The following VPS13D variants were observed in gnomAD, a reference collection of about 807,000 sequenced individuals.
VPS13D encodes the protein intermembrane lipid transfer protein VPS13D.
Under a neutral mutation model 461.9 loss-of-function variants are expected in VPS13D, and 187 were observed. The ratio of observed to expected loss-of-function variants is 0.40; its 90% CI spans 0.36 to 0.46. The LOEUF (loss-of-function observed/expected upper bound fraction) is 0.46, where lower values mean the gene tolerates loss of function less well. VPS13D is among the 20% of genes least tolerant of loss of function. The pLI is 0.60. For synonymous variants in VPS13D, 1,951 were observed against 1,986.3 expected (o/e 0.98, Z 0.47); for missense variants, 4,711 against 5,364.9 (o/e 0.88, Z 3.81).
intron 35 of VPS13D, among the ~76,000 whole-genome samples, chr1:12,325,196 A>G (rs531172348): frequency 2.6e-5 from 4 of 151,892 alleles, no homozygotes; most frequent in Middle Eastern, 3.4e-3. Flanking sequence ...GGGCTCAAGC[A>G]ATCCTCCTGC....
At chr1:12,345,159 C>T in intron 42 of VPS13D, 1 of 484,898 alleles carries the variant, frequency 2.1e-6, no homozygotes, top group Non-Finnish European at 3.7e-6. Context: ...GCCACTCTTA[C>T]TCAGTCAAGC....
intron 22 of VPS13D, among the ~76,000 whole-genome samples, chr1:12,289,607 C>G (rs1642067856): frequency 6.7e-6 from 1 of 150,126 alleles, no homozygotes; most frequent in Non-Finnish European, 1.5e-5. Flanking sequence ...TGTTAATGGC[C>G]TTTAAGATTG....
At chr1:12,386,373 T>C in intron 60 of VPS13D, 39 bp downstream of exon 60, 1 of 1,549,744 alleles carries the variant, frequency 6.5e-7, no homozygotes, top group Non-Finnish European at 8.7e-7. Flanking sequence ...CACCTTGTTT[T>C]CATGCTGATC....
intron 67 of VPS13D, among the ~76,000 whole-genome samples, chr1:12,476,241 T>G (rs547270716): frequency 1.3e-5 from 2 of 152,364 alleles, no homozygotes; most frequent in Non-Finnish European, 2.9e-5. Context: ...CCTGGAATAT[T>G]GTCATAAAAG....
chr1:12,244,565 A>G lies in VPS13D; in HGVS notation c.395A>G (p.Tyr132Cys). Residue 132 changes from tyrosine (Y) to cysteine (C), a missense_variant, in exon 5 of 70, where the codon TAT becomes TGT. This residue lies in a region of VPS13D where 4,411 missense variants were observed against 4,937.8 expected (regional missense o/e 0.89). Transcript: ENST00000620676. ...GACCGCCAGCAGAAAGGGGAGTCCT[A>G]TTGGTATTCAGTTACCGCCTCCGTA... is the stretch of plus-strand genomic sequence containing the variant. ...KNDRQQKGES[Y>C]WYSVTASVVT... The G allele has an allele frequency of 3.7e-6, 6 of 1,614,214 alleles. No homozygotes were observed. The highest frequency in any genetic ancestry group is 2.2e-5 in the East Asian group (1 of 44,892).
At chr1:12,486,999 C>T (rs1342760697) in intron 67 of VPS13D, among the ~76,000 whole-genome samples, 4 of 152,116 alleles carry the variant, frequency 2.6e-5, no homozygotes, top group Admixed American at 6.5e-5. Context: ...AATCACCCTC[C>T]CTGGAAGAGA....
intron 50 of VPS13D, among the ~76,000 whole-genome samples, chr1:12,358,891 G>A (rs1158921219): frequency 6.6e-6 from 1 of 152,014 alleles, no homozygotes; most frequent in Non-Finnish European, 1.5e-5. Flanking sequence ...CTTGTTTTTC[G>A]GGGGAATAAT....
intron 60 of VPS13D, among the ~76,000 whole-genome samples, chr1:12,396,104 A>G (rs1320002663): frequency 2.0e-5 from 3 of 149,872 alleles, no homozygotes; most frequent in East Asian, 3.9e-4. Context: ...ATAGATTATT[A>G]ATATCAGGAA....
chr1:12,440,331 G>A (rs535303003), intron 65 of VPS13D, among the ~76,000 whole-genome samples: 7 of 152,328 alleles, frequency 4.6e-5, no homozygotes, highest in African/African-American at 7.2e-5. Flanking sequence ...TCAGCAATAA[G>A]TGTAGAACAC....
At chr1:12,245,983 A>G (rs1021051547) in intron 5 of VPS13D, among the ~76,000 whole-genome samples, 9 of 152,212 alleles carry the variant, frequency 5.9e-5, no homozygotes, top group African/African-American at 1.9e-4. Flanking sequence ...TGGATTGTCA[A>G]AGATTAAACA....
chr1:12,241,151 C>T (rs770924033), intron 2 of VPS13D, among the ~76,000 whole-genome samples: 2 of 152,060 alleles, frequency 1.3e-5, no homozygotes, highest in Non-Finnish European at 2.9e-5. Context: ...CCGTATTGCC[C>T]AGGCTGGTCT....
In VPS13D at chr1:12,277,208, TG is replaced by T. The variant is rs780969918; in HGVS notation, c.3623del (p.Gly1208ValfsTer6). Reference sequence around the variant, plus strand: ...GGTGGCACCAAAGTTAATGTCTCAATGGGTAGCACGTTTGACATGAATGGTT... The same window carrying T: ...GGTGGCACCAAAGTTAATGTCTCAATGGTAGCACGTTTGACATGAATGGTT... ...SIGGTKVNVS[M>X]GSTFDMNGSL... On this transcript the variant is annotated frameshift_variant, in exon 19 of 70. Transcript: ENST00000620676. LOFTEE classifies it high-confidence loss of function. 6.2e-7 allele frequency: 1 copy of T among 1,614,216 alleles called. No homozygotes were observed. Among genetic ancestry groups the T allele is most frequent in the Non-Finnish European group, 8.5e-7 (1 of 1,180,032 alleles).
intron 55 of VPS13D, 23 bp downstream of exon 55, chr1:12,373,881 T>C (rs992877888): frequency 3.8e-6 from 6 of 1,580,502 alleles, no homozygotes; most frequent in Admixed American, 1.7e-5. Context: ...ACAATCAGAG[T>C]TTAGAATACA....
intron 2 of VPS13D, 23 bp from the exon 3 acceptor site, chr1:12,242,490 C>G (rs1640412031): frequency 6.2e-7 from 1 of 1,605,654 alleles, no homozygotes; most frequent in Non-Finnish European, 8.5e-7. Flanking sequence ...ATGGATATTT[C>G]ATGATGCTGT....
rs6541022 is a variant in VPS13D at position 12,435,343 on chromosome 1, C to G, written c.12333+18516C>G. On this transcript the variant is annotated intron_variant, in intron 65 of 69. Coordinates refer to ENST00000620676, the MANE Select transcript of VPS13D (RefSeq NM_015378.4). ...GGGCGTGGTGGCACCCGCCTGTAGT[C>G]ACACCTACATGGGAGGCTGAGGTGG... Among the ~76,000 whole-genome samples, 1,404 of 151,882 alleles carry G rather than the reference C, an allele frequency of 9.2e-3. 28 individuals are homozygous for G. Among genetic ancestry groups the G allele is most frequent in the African/African-American group, 0.033 (1,352 of 41,410 alleles).
At chr1:12,285,834 C>A (rs1030070377) in intron 21 of VPS13D, among the ~76,000 whole-genome samples, 1 of 152,100 alleles carries the variant, frequency 6.6e-6, no homozygotes, top group African/African-American at 2.4e-5. Context: ...TTCTGTTGGT[C>A]TCTATAATTC....
Position 12,244,361 on chromosome 1 carries a change from C to A in VPS13D, c.291C>A (p.Phe97Leu), listed in dbSNP as rs1640477607. The change falls in exon 4 of 70, where the codon TTC (phenylalanine) becomes TTA (leucine). Residue 97 changes from phenylalanine (F) to leucine (L), a missense_variant. Physicochemically the swap from Phe to Leu is conservative, Grantham distance 22. Transcript: ENST00000620676. ...LIGAPEKIQD[F>L]NDEKEKLLER... ...GAGCCCCAGAGAAAATACAGGATTT[C>A]AATGATGAAAAGGAGAAGCTGTTGG... 1.2e-6 allele frequency: 2 copies of A among 1,613,926 alleles called. No individual in the cohort carries two copies. The highest frequency in any genetic ancestry group is 1.7e-6 in the Non-Finnish European group (2 of 1,180,030).
At chr1:12,304,773 C>G (rs1198856694) in intron 26 of VPS13D, 45 bp downstream of exon 26, 1 of 1,595,160 alleles carries the variant, frequency 6.3e-7, no homozygotes, top group Non-Finnish European at 8.6e-7. Flanking sequence ...TGGGGAAATT[C>G]ACAGGACTGT....
intron 65 of VPS13D, among the ~76,000 whole-genome samples, chr1:12,450,424 T>A (rs1015997278): frequency 2.0e-5 from 3 of 152,248 alleles, no homozygotes; most frequent in Non-Finnish European, 4.4e-5. Context: ...GGTTTGCAGC[T>A]GTACAACCTT....
Sources: gnomAD v4.1 joint callset for allele counts (sites outside exome capture counted in the v4.1 genomes callset) on GRCh38, gnomAD v4.1.1 for gene constraint, gnomAD v4.1.1 regional missense constraint, MANE v1.5 for transcripts, NCBI Gene and HGNC (gene_info 2026-07-23, HGNC 2026-07-21) for gene names.